The following CDK6 variants were observed in gnomAD, a reference collection of about 807,000 sequenced individuals.
CDK6 encodes the protein cyclin-dependent kinase 6.
CDK6 carries 6 observed loss-of-function variants against 37.1 expected under a neutral mutation model. The ratio of observed to expected loss-of-function variants is 0.16; its 90% CI spans 0.09 to 0.32. The LOEUF is 0.32. Ranked by LOEUF, CDK6 falls within the 10% of genes least tolerant of loss-of-function variation. The pLI, the probability that CDK6 is intolerant of heterozygous loss-of-function variation, is 1.00. For missense variants in CDK6, 224 were observed against 418.9 expected, an observed-to-expected ratio of 0.53 and a Z score of 4.06; for synonymous variants, 160 against 161.3, an observed-to-expected ratio of 0.99 and a Z score of 0.06.
intron 4 of CDK6, among the ~76,000 whole-genome samples, chr7:92,677,721 G>C: frequency 6.6e-6 from 1 of 152,186 alleles, no homozygotes; most frequent in South Asian, 2.1e-4. Context: ...AGCATCCCCA[G>C]TTTTAATTTG....
At chr7:92,725,451 G>C in intron 4 of CDK6, 175 bp downstream of exon 4, 1 of 684,520 alleles carries the variant, frequency 1.5e-6, no homozygotes, top group South Asian at 6.6e-5. Context: ...GGATGTGACT[G>C]TAGCTGTAAG....
intron 2 of CDK6, among the ~76,000 whole-genome samples, chr7:92,789,125 C>G (rs756091326): frequency 1.3e-5 from 2 of 151,964 alleles, no homozygotes; most frequent in Non-Finnish European, 2.9e-5. Context: ...CACTCTGTTT[C>G]TAATAAATAA....
chr7:92,622,906 A>G (rs1370133687), intron 6 of CDK6, 130 bp downstream of exon 6: 8 of 638,946 alleles, frequency 1.3e-5, no homozygotes, highest in African/African-American at 3.7e-5. Flanking sequence ...CACAAATAGT[A>G]ACACTGTCTG....
intron 2 of CDK6, among the ~76,000 whole-genome samples, chr7:92,822,899 G>C (rs1014799474): frequency 6.6e-6 from 1 of 151,964 alleles, no homozygotes; most frequent in Non-Finnish European, 1.5e-5. Context: ...AGAAACTTCA[G>C]ATCTACTCAC....
intron 2 of CDK6, among the ~76,000 whole-genome samples, chr7:92,806,314 C>T (rs948681801): frequency 1.2e-4 from 19 of 152,124 alleles, no homozygotes; most frequent in Admixed American, 2.6e-4. Context: ...TGTTCTGAGC[C>T]TGTATCCAGG....
chr7:92,715,974 G>GA (rs1391691777), intron 4 of CDK6, among the ~76,000 whole-genome samples: 1 of 152,210 alleles, frequency 6.6e-6, no homozygotes, highest in Non-Finnish European at 1.5e-5. Flanking sequence ...CTCAAATAAA[G>GA]AGGGATGAAG....
At chr7:92,825,462 A>G (rs985638023) in intron 2 of CDK6, among the ~76,000 whole-genome samples, 3 of 148,350 alleles carry the variant, frequency 2.0e-5, no homozygotes, top group African/African-American at 7.4e-5. Context: ...ACATGCGTGC[A>G]CACACACACA....
chr7:92,745,166 T>C (rs767572737), intron 3 of CDK6, among the ~76,000 whole-genome samples: 23 of 152,234 alleles, frequency 1.5e-4, no homozygotes, highest in Non-Finnish European at 1.6e-4. Flanking sequence ...GAAGTTTTAA[T>C]TATGCCCATT....
intron 5 of CDK6, among the ~76,000 whole-genome samples, chr7:92,626,265 T>C (rs189322782): frequency 5.9e-5 from 9 of 152,066 alleles, no homozygotes; most frequent in African/African-American, 2.2e-4. Flanking sequence ...TTATAATGTA[T>C]GTAATATACA....
intron 3 of CDK6, among the ~76,000 whole-genome samples, chr7:92,754,046 C>T (rs545731215): frequency 5.3e-5 from 8 of 152,282 alleles, no homozygotes; most frequent in African/African-American, 1.9e-4. Context: ...ACATTCATCA[C>T]TGACAATCTC....
At position 92,610,438 on chromosome 7, in the gene CDK6, A is replaced by G. The variant is rs1472705602; in HGVS notation, c.*4702T>C. 8.7e-6 allele frequency: 2 copies of G among 231,026 alleles called. No homozygotes were observed. The highest frequency in any genetic ancestry group is 5.6e-5 in the Admixed American group (1 of 17,712). The allele number at this position is 231,026 out of a possible 1,614,324, so 14.3% of individuals were successfully genotyped here. On this transcript the variant is annotated 3_prime_UTR_variant, in exon 8 of 8. Transcript: ENST00000424848. ...AAAATCCCCAGAAAGGCTACTTGAG[A>G]AAAAAACGTGTAAAAATTGGACCCC...
rs540192079 is a variant in CDK6 at position 92,663,632 on chromosome 7, C to T, written c.647+7794G>A. Among the ~76,000 whole-genome samples the T allele has an allele frequency of 1.7e-4, 25 of 150,918 alleles. No individual in the cohort carries two copies. In the South Asian group the frequency reaches 4.6e-3, roughly 28 times the overall value. ...AGGAGAATTGCTTGAACCCAGGAGG[C>T]GGAGGTTGCAGTGAGCCGAGATTGC... On this transcript the variant is annotated intron_variant, in intron 5 of 7. Coordinates refer to ENST00000424848, the MANE Select transcript of CDK6 (RefSeq NM_001145306.2).
intron 4 of CDK6, among the ~76,000 whole-genome samples, chr7:92,718,447 A>T (rs1346829523): frequency 6.6e-6 from 1 of 152,230 alleles, no homozygotes; most frequent in Non-Finnish European, 1.5e-5. Flanking sequence ...AGGTCTCCAT[A>T]GTAAATACAA....
chr7:92,685,276 T>A lies in CDK6; in HGVS notation c.538-13741A>T, dbSNP rs537065590. ...AGGACTTACAGAGTATTTCTAGGTA[T>A]ATCCGCTGTCAGGAGAGATACATGT... is the stretch of plus-strand genomic sequence containing the variant. On this transcript the variant is annotated intron_variant, in intron 4 of 7. Transcript: ENST00000424848. 1.1e-3 allele frequency among the ~76,000 whole-genome samples: 163 copies of A among 152,330 alleles called. 1 individual carries two copies. The highest frequency in any genetic ancestry group is 3.4e-3 in the Middle Eastern group (1 of 294).
chr7:92,672,526 A>T (rs1018915203), intron 4 of CDK6, among the ~76,000 whole-genome samples: 1 of 151,028 alleles, frequency 6.6e-6, no homozygotes, highest in Non-Finnish European at 1.5e-5. Context: ...AGATGAAACA[A>T]ACACAACAAT....
At chr7:92,814,120 A>G (rs906026977) in intron 2 of CDK6, among the ~76,000 whole-genome samples, 4 of 152,190 alleles carry the variant, frequency 2.6e-5, no homozygotes, top group Admixed American at 6.5e-5. Context: ...TAACATTCCC[A>G]ATATGATGTC....
intron 3 of CDK6, among the ~76,000 whole-genome samples, chr7:92,769,664 T>C (rs761340289): frequency 9.2e-5 from 14 of 152,164 alleles, no homozygotes; most frequent in Non-Finnish European, 1.8e-4. Context: ...AAAGAGGGCA[T>C]TACATTTGGA....
At chr7:92,766,612 T>C (rs1202888880) in intron 3 of CDK6, among the ~76,000 whole-genome samples, 4 of 152,232 alleles carry the variant, frequency 2.6e-5, no homozygotes, top group African/African-American at 9.6e-5. Context: ...GCCTTGGATG[T>C]TCCCATGTTT....
intron 2 of CDK6, among the ~76,000 whole-genome samples, chr7:92,801,959 C>G (rs1365911473): frequency 6.9e-6 from 1 of 145,942 alleles, no homozygotes; most frequent in Non-Finnish European, 1.5e-5. Context: ...CCTCCCCTCC[C>G]CCCCGTTCTC....
Sources: allele counts gnomAD v4.1 joint callset (sites outside exome capture counted in the v4.1 genomes callset), GRCh38; gene constraint gnomAD v4.1.1; transcripts MANE v1.5; gene names NCBI Gene and HGNC (gene_info 2026-07-23, HGNC 2026-07-21).